Variants in CNTNAP4 observed in about 807,000 individuals in gnomAD.
CNTNAP4 encodes the protein contactin-associated protein-like 4.
In CNTNAP4, 98 loss-of-function variants were observed where a neutral mutation model predicts 148.4. The ratio of observed to expected loss-of-function variants is 0.66; its 90% CI spans 0.56 to 0.78. The LOEUF (loss-of-function observed/expected upper bound fraction) is 0.78, where lower values mean the gene tolerates loss of function less well. CNTNAP4 is among the 30% of genes least tolerant of loss of function. The pLI, the probability that CNTNAP4 is intolerant of heterozygous loss-of-function variation, is 0.00. For synonymous variants in CNTNAP4, 730 were observed against 565.1 expected (o/e 1.29, Z -4.14); for missense variants, 1,935 against 1,565.6 (o/e 1.24, Z -3.98).
chr16:76,325,661 T>C (rs1214773923), intron 2 of CNTNAP4, among the ~76,000 whole-genome samples: 1 of 151,848 alleles, frequency 6.6e-6, no homozygotes, highest in Non-Finnish European at 1.5e-5. Flanking sequence ...ATTACAAATA[T>C]GACAAAAGAA....
chr16:76,290,606 G>T (rs574668569), intron 1 of CNTNAP4, among the ~76,000 whole-genome samples: 9 of 152,134 alleles, frequency 5.9e-5, no homozygotes, highest in African/African-American at 1.7e-4. Context: ...TCAAGAAAAG[G>T]GTAAGTGGTT....
chr16:76,476,033 A>G lies in CNTNAP4; in HGVS notation c.1750A>G (p.Thr584Ala). The G allele has an allele frequency of 6.2e-7, 1 of 1,610,922 alleles. No individual in the cohort carries two copies. Among genetic ancestry groups the G allele is most frequent in the African/African-American group, 1.3e-5 (1 of 74,972 alleles). The change falls in exon 11 of 24, where the codon ACT becomes GCT. Residue 584 changes from threonine (T) to alanine (A), a missense_variant. Thr to Ala is a moderately conservative substitution (Grantham distance 58, BLOSUM62 0). Transcript: ENST00000611870. ...TACCAACACTGGTTACAGAGGAGCT[A>G]CTTGCCATAACTGTAAGCGGAACAC... ...NCTNTGYRGA[T>A]CHNSIYEQSC...
At chr16:76,284,378 T>A (rs1958801970) in intron 1 of CNTNAP4, among the ~76,000 whole-genome samples, 1 of 151,950 alleles carries the variant, frequency 6.6e-6, no homozygotes, top group South Asian at 2.1e-4. Flanking sequence ...TAATATCAGT[T>A]TGATTTTGAT....
chr16:76,455,190 A>C lies in CNTNAP4; in HGVS notation c.1333+2421A>C, dbSNP rs574556139. Among the ~76,000 whole-genome samples, 4 of 152,342 alleles carry C rather than the reference A, an allele frequency of 2.6e-5. No homozygotes were observed. The South Asian group carries it at 6.2e-4, about 24-fold the overall frequency. ...GTCGTTGCCACCTTTATAAATGTCA[A>C]AGCAAAAATCAATGAGCAGTACAGT... is the stretch of plus-strand genomic sequence containing the variant. On this transcript the variant is annotated intron_variant, in intron 8 of 23. Coordinates refer to ENST00000611870, the MANE Select transcript of CNTNAP4 (RefSeq NM_033401.5).
chr16:76,359,485 A>G (rs991607735), intron 3 of CNTNAP4, among the ~76,000 whole-genome samples: 40 of 149,764 alleles, frequency 2.7e-4, no homozygotes, highest in Admixed American at 7.2e-4. Flanking sequence ...TGACTTCTAC[A>G]TACCTGAAAT....
intron 3 of CNTNAP4, among the ~76,000 whole-genome samples, chr16:76,402,766 G>T (rs116276331): frequency 0.041 from 6,299 of 152,176 alleles, 463 homozygotes; most frequent in African/African-American, 0.15. Context: ...TAGTTTCAAA[G>T]AACTTCTTGA....
At chr16:76,427,749 T>C in intron 4 of CNTNAP4, 150 bp downstream of exon 4, 2 of 610,420 alleles carry the variant, frequency 3.3e-6, no homozygotes, top group African/African-American at 1.9e-5. Context: ...TGCATGCCTG[T>C]ACATGCCAAT....
At chr16:76,523,358 A>G (rs762136569) in intron 17 of CNTNAP4, among the ~76,000 whole-genome samples, 10 of 151,222 alleles carry the variant, frequency 6.6e-5, no homozygotes, top group East Asian at 1.9e-4. Context: ...TTCCTCTGCT[A>G]TTTTCCCTCA....
intron 1 of CNTNAP4, among the ~76,000 whole-genome samples, chr16:76,305,086 A>G (rs1960345617): frequency 6.6e-6 from 1 of 152,230 alleles, no homozygotes; most frequent in Non-Finnish European, 1.5e-5. Flanking sequence ...TTTCTGGAAT[A>G]AATGCCTAAA....
intron 9 of CNTNAP4, among the ~76,000 whole-genome samples, chr16:76,462,499 C>G (rs909874047): frequency 3.3e-5 from 5 of 152,114 alleles, no homozygotes; most frequent in African/African-American, 9.7e-5. Flanking sequence ...TCCCTACTGT[C>G]CAGTACAGAA....
chr16:76,326,488 C>T (rs1962984829), intron 2 of CNTNAP4, among the ~76,000 whole-genome samples: 1 of 152,120 alleles, frequency 6.6e-6, no homozygotes, highest in African/African-American at 2.4e-5. Context: ...GCTATAAAGA[C>T]ACATGCACAT....
chr16:76,516,101 C>T (rs113923745), intron 15 of CNTNAP4, among the ~76,000 whole-genome samples: 1 of 147,478 alleles, frequency 6.8e-6, no homozygotes, highest in African/African-American at 2.5e-5. Context: ...TTGCCCCCCA[C>T]CCCCCAACAG....
intron 3 of CNTNAP4, among the ~76,000 whole-genome samples, chr16:76,384,571 A>T (rs888952935): frequency 2.0e-5 from 3 of 152,038 alleles, no homozygotes; most frequent in Non-Finnish European, 4.4e-5. Flanking sequence ...CCGCACTTGG[A>T]GAGTGTGGGA....
At chr16:76,329,066 T>A (rs1267026242) in intron 2 of CNTNAP4, among the ~76,000 whole-genome samples, 1 of 152,206 alleles carries the variant, frequency 6.6e-6, no homozygotes, top group African/African-American at 2.4e-5. Context: ...CACATGTAAA[T>A]ACTTCAGCTT....
chr16:76,326,912 C>T (rs1249097082), intron 2 of CNTNAP4, among the ~76,000 whole-genome samples: 1 of 151,636 alleles, frequency 6.6e-6, no homozygotes. Context: ...AACAAACCTG[C>T]ACGTTGTGCA....
intron 1 of CNTNAP4, among the ~76,000 whole-genome samples, chr16:76,292,522 T>A (rs1959155964): frequency 6.6e-6 from 1 of 150,952 alleles, no homozygotes; most frequent in Non-Finnish European, 1.5e-5. Context: ...GCTCAGTGCC[T>A]GTGGCCTCTG....
At chr16:76,523,896 C>A (rs1219246126) in intron 17 of CNTNAP4, among the ~76,000 whole-genome samples, 2 of 152,194 alleles carry the variant, frequency 1.3e-5, no homozygotes, top group African/African-American at 2.4e-5. Flanking sequence ...CGCTACTGCA[C>A]TCCATCCTGG....
intron 1 of CNTNAP4, among the ~76,000 whole-genome samples, chr16:76,289,524 TAGCA>T (rs1400618104): frequency 7.7e-6 from 1 of 129,412 alleles, no homozygotes; most frequent in African/African-American, 3.4e-5. Context: ...TCATTGCCTT[TAGCA>T]TTTTTTTTTT....
At chr16:76,524,272 GAGA>G (rs2083615652) in intron 17 of CNTNAP4, among the ~76,000 whole-genome samples, 1 of 152,126 alleles carries the variant, frequency 6.6e-6, no homozygotes, top group South Asian at 2.1e-4. Context: ...AAGAATGTAT[GAGA>G]AGAAATATAT....
Sources: allele counts gnomAD v4.1 joint callset (sites outside exome capture counted in the v4.1 genomes callset), GRCh38; gene constraint gnomAD v4.1.1; transcripts MANE v1.5; gene names NCBI Gene and HGNC (gene_info 2026-07-23, HGNC 2026-07-21).